TRMT44: variants seen among roughly 807,000 people sequenced by gnomAD.
The protein encoded by TRMT44 is tRNA methyltransferase 44 homolog.
TRMT44 carries 78 observed loss-of-function variants against 77.3 expected under a neutral mutation model. The ratio of observed to expected loss-of-function variants is 1.01; its 90% CI spans 0.84 to 1.22. The LOEUF (loss-of-function observed/expected upper bound fraction) is 1.22. Ranked by LOEUF, TRMT44 falls within the 50% of genes most tolerant of loss-of-function variation. TRMT44 has a pLI of 0.00. For missense variants in TRMT44, 1,090 were observed against 964.4 expected (o/e 1.13, Z -1.73); for synonymous variants, 391 against 383.3 (o/e 1.02, Z -0.23).
the TRMT44 span, among the ~76,000 whole-genome samples, chr4:8,515,855 C>G: frequency 0.014 from 2,166 of 152,306 alleles, 58 homozygotes; most frequent in African/African-American, 0.05. Context: ...ATCAAGCTGT[C>G]CTCTGATGAC....
downstream of TRMT44, among the ~76,000 whole-genome samples, chr4:8,480,115 G>A (rs1041262243): frequency 6.6e-5 from 10 of 152,176 alleles, no homozygotes; most frequent in Admixed American, 3.9e-4. Flanking sequence ...GTTGTCAGTG[G>A]TGAATTCACA....
intron 6 of TRMT44, among the ~76,000 whole-genome samples, 191 bp from the exon 7 acceptor site, chr4:8,463,794 C>G (rs535910228): frequency 6.6e-6 from 1 of 152,358 alleles, no homozygotes; most frequent in East Asian, 1.9e-4. Flanking sequence ...GCCAGCATTT[C>G]TTGCCCTCTA....
In TRMT44 at chr4:8,483,589, G is replaced by A. The variant is rs377202079; in HGVS notation, n.3891+4056G>A. ...GTATTGTCCAGTCCTTTTTAAGTTG[G>A]TGGCTGGGCTTGGTGAGGTGTGTTT... On this transcript the variant is annotated intron_variant and non_coding_transcript_variant, in intron 2 of 2. Coordinates refer to the TRMT44 transcript ENST00000511366. 1.1e-4 allele frequency among the ~76,000 whole-genome samples: 16 copies of A among 152,316 alleles called. No homozygotes were observed. The East Asian group carries it at 2.9e-3, about 28-fold the overall frequency.
rs1478386121 is a variant in TRMT44, at chr4:8,452,263, T to C, written c.1023+235T>C. Among the ~76,000 whole-genome samples the C allele has an allele frequency of 6.6e-6, 1 of 152,220 alleles. No homozygotes were observed. The highest frequency in any genetic ancestry group is 1.5e-5 in the Non-Finnish European group (1 of 68,032). On this transcript the variant is annotated intron_variant, in intron 4 of 10. Coordinates refer to ENST00000389737, the MANE Select transcript of TRMT44 (RefSeq NM_152544.3). The surrounding 1 kb of genome is among the most constrained non-coding windows in gnomAD (Gnocchi z 5.7). ...CCAACTTGACCTGCAGGCGGAACTG[T>C]ACGTCCACACTCAGCAGTCATCGTG...
At chr4:8,498,136 G>A (rs1023157964), downstream of TRMT44, among the ~76,000 whole-genome samples, 3 of 151,982 alleles carry the variant, frequency 2.0e-5, no homozygotes, top group Middle Eastern at 3.2e-3. The surrounding 1 kb of genome is among the most constrained non-coding windows in gnomAD (Gnocchi z 4.3). Context: ...CCCCTTCTCC[G>A]GGGTTTTCTC....
chr4:8,460,566 CTTTTT>C (rs56738130), intron 6 of TRMT44, among the ~76,000 whole-genome samples: 3,917 of 147,602 alleles, frequency 0.027, 96 homozygotes, highest in African/African-American at 0.067. Context: ...TGGCCTCACT[CTTTTT>C]TTTTTTTTGA....
chr4:8,508,697 C>T, the TRMT44 span: 1 of 152,286 alleles, frequency 6.6e-6, no homozygotes, highest in African/African-American at 2.4e-5. Flanking sequence ...TCTGCACCTC[C>T]CATGAGCCCA....
At chr4:8,463,768 G>C (rs1439694056) in intron 6 of TRMT44, among the ~76,000 whole-genome samples, 2 of 152,230 alleles carry the variant, frequency 1.3e-5, no homozygotes, top group African/African-American at 4.8e-5. Context: ...TTTCTCCGGT[G>C]ATTTCCCTAA....
At chr4:8,488,709 A>G (rs1251187087) in intron 2 of TRMT44, among the ~76,000 whole-genome samples, 1 of 152,204 alleles carries the variant, frequency 6.6e-6, no homozygotes, top group African/African-American at 2.4e-5. Context: ...GAGGCCTGAC[A>G]ACCCCAAGCT....
the TRMT44 span, among the ~76,000 whole-genome samples, chr4:8,505,311 G>A: frequency 6.6e-6 from 1 of 152,212 alleles, no homozygotes; most frequent in Non-Finnish European, 1.5e-5. Flanking sequence ...CCTGTGGGAA[G>A]TCAGGTGCAC....
At chr4:8,460,357 A>G (rs1243454946) in intron 6 of TRMT44, among the ~76,000 whole-genome samples, 1 of 152,156 alleles carries the variant, frequency 6.6e-6, no homozygotes, top group Non-Finnish European at 1.5e-5. Context: ...AATGTCAGGA[A>G]TATACAAAAG....
At chr4:8,498,557 G>A in the TRMT44 span, among the ~76,000 whole-genome samples, 2 of 152,110 alleles carry the variant, frequency 1.3e-5, no homozygotes, top group Admixed American at 6.6e-5. This position sits in a 1 kb window ranked among gnomAD's most constrained non-coding sequence, Gnocchi z 4.3. Flanking sequence ...GAGGGGCAGC[G>A]ATTTTCTTTC....
Position 8,446,731 on chromosome 4 carries a change from T to C in TRMT44, c.734+141T>C. On this transcript the variant is annotated intron_variant, in intron 2 of 10. Coordinates refer to ENST00000389737, the MANE Select transcript of TRMT44 (RefSeq NM_152544.3). This position sits in a 1 kb window ranked among gnomAD's most constrained non-coding sequence, Gnocchi z 4.3. Reference sequence around the variant, plus strand: ...TTGTAGGAATGCAGTTGCTAGCTTATGTGCCCAGGCCATGTTGCTCTTCCT... The same window carrying C: ...TTGTAGGAATGCAGTTGCTAGCTTACGTGCCCAGGCCATGTTGCTCTTCCT... 2 of 596,732 alleles carry C rather than the reference T, an allele frequency of 3.4e-6. No individual in the cohort carries two copies. The highest frequency in any genetic ancestry group is 5.8e-6 in the Non-Finnish European group (2 of 347,080). 37.0% of individuals were successfully genotyped at this position (596,732 alleles called of 1,614,324 possible).
At chr4:8,496,495 A>G (rs934255491), downstream of TRMT44, among the ~76,000 whole-genome samples, 5 of 152,200 alleles carry the variant, frequency 3.3e-5, no homozygotes, top group Non-Finnish European at 5.9e-5. Context: ...CGCCCCATGC[A>G]GGAGCTCAAC....
At position 8,463,994 on chromosome 4, in the gene TRMT44, A is replaced by G. The variant is rs79184768; in HGVS notation, c.1213A>G (p.Ile405Val). 0.013 allele frequency: 21,448 copies of G among 1,613,334 alleles called. 180 individuals are homozygous for G. Among genetic ancestry groups the G allele is most frequent in the Non-Finnish European group, 0.016 (19,199 of 1,179,458 alleles). ...GPQTQLEEDAITPNDKTLFPD... is the reference protein window; with the variant it reads ...GPQTQLEEDAVTPNDKTLFPD... ...TTTGTTATTCCTTTAGGAAGATGCA[A>G]TCACACCCAATGATAAGACCCTTTT... is the stretch of plus-strand genomic sequence containing the variant. The change falls in exon 7 of 11, where the codon ATC becomes GTC. Residue 405 changes from isoleucine to valine, a missense_variant. By Grantham distance (29) the Ile-to-Val change is conservative (BLOSUM62 3). Transcript: ENST00000389737.
downstream of TRMT44, among the ~76,000 whole-genome samples, chr4:8,495,702 C>T (rs1020792550): frequency 1.3e-5 from 2 of 149,628 alleles, no homozygotes; most frequent in Non-Finnish European, 3.0e-5. Flanking sequence ...ACACCCTGTC[C>T]TTGTCTTGCA....
chr4:8,443,795 C>T (rs1250789683), intron 1 of TRMT44, among the ~76,000 whole-genome samples: 1 of 152,018 alleles, frequency 6.6e-6, no homozygotes, highest in East Asian at 1.9e-4. Context: ...CCCGTCTCTA[C>T]TAAAAATACA....
chr4:8,465,574 C>G lies in TRMT44; in HGVS notation c.1494+13C>G. Reference sequence around the variant, plus strand: ...TTCAACCAAAAGAGTATGTCTGATTCTCATGTTGTTCTAGGCGGTGTGTCG... The same window carrying G: ...TTCAACCAAAAGAGTATGTCTGATTGTCATGTTGTTCTAGGCGGTGTGTCG... On this transcript the variant is annotated intron_variant, in intron 8 of 10. Transcript: ENST00000389737. 1 of 1,606,800 alleles carries G rather than the reference C, an allele frequency of 6.2e-7. No individual in the cohort carries two copies.
chr4:8,450,799 T>TG (rs997053631), intron 3 of TRMT44, among the ~76,000 whole-genome samples: 3 of 146,614 alleles, frequency 2.0e-5, no homozygotes, highest in African/African-American at 7.6e-5. Context: ...CATGTTTTTT[T>TG]TTTTTTTTTT....
Sources: gnomAD v4.1 joint callset for allele counts (sites outside exome capture counted in the v4.1 genomes callset) on GRCh38, gnomAD v4.1.1 for gene constraint, Gnocchi (gnomAD v3.1) non-coding constraint, MANE v1.5 for transcripts, NCBI Gene and HGNC (gene_info 2026-07-23, HGNC 2026-07-21) for gene names.